SCYL3: variants seen among roughly 807,000 people sequenced by gnomAD.
The protein encoded by SCYL3 is protein-associating with the carboxyl-terminal domain of ezrin.
A neutral mutation model predicts 73.8 loss-of-function variants in SCYL3; 35 were observed. The ratio of observed to expected loss-of-function variants is 0.47; its 90% CI spans 0.36 to 0.63. SCYL3 has a LOEUF of 0.63. Ranked by LOEUF, SCYL3 falls within the 20% of genes least tolerant of loss-of-function variation. The pLI is 0.00. For synonymous variants in SCYL3, 277 were observed against 295.2 expected (o/e 0.94, Z 0.63); for missense variants, 712 against 798.9 (o/e 0.89, Z 1.31).
Position 169,862,646 on chromosome 1 carries a change from AGTGAAGTGCTCC to A in SCYL3, c.1095_1106del (p.Glu366_Thr369del), listed in dbSNP as rs764034042. The A allele has an allele frequency of 3.1e-6, 5 of 1,614,024 alleles. No individual in the cohort carries two copies. The highest frequency in any genetic ancestry group is 4.2e-6 in the Non-Finnish European group (5 of 1,180,038). ...AGATGACTTTCTTCAGCTGCTCCTG[AGTGAAGTGCTCC>A]ACGTAGGCCTCGATGTGAGACAGCA... is the stretch of plus-strand genomic sequence containing the variant. On this transcript the variant is annotated inframe_deletion, in exon 10 of 13. Transcript: ENST00000367771.
At chr1:169,861,676 G>A (rs1019712532) in intron 10 of SCYL3, among the ~76,000 whole-genome samples, 1 of 152,186 alleles carries the variant, frequency 6.6e-6, no homozygotes, top group Non-Finnish European at 1.5e-5. Context: ...CCACTTATGA[G>A]CTCCTTGAAA....
chr1:169,888,225 G>C (rs1291682397), intron 2 of SCYL3, among the ~76,000 whole-genome samples: 1 of 152,216 alleles, frequency 6.6e-6, no homozygotes, highest in Non-Finnish European at 1.5e-5. Flanking sequence ...CAGACAGCAT[G>C]CTAATGCACT....
At chr1:169,892,438 A>G (rs962047950) in intron 1 of SCYL3, among the ~76,000 whole-genome samples, 1 of 152,210 alleles carries the variant, frequency 6.6e-6, no homozygotes, top group South Asian at 2.1e-4. Flanking sequence ...TTTAAAAATG[A>G]TAATTCAGCT....
In SCYL3 at chr1:169,892,701, T is replaced by G. The variant is rs1662168163; in HGVS notation, c.-51+1087A>C. ...TCAGTCTTCCCTTTAATAATCTCCC[T>G]CCACTCTTTTGCCTACTTGGGCAGC... On this transcript the variant is annotated intron_variant, in intron 1 of 12. Transcript: ENST00000367771. Among the ~76,000 whole-genome samples the G allele has an allele frequency of 2.0e-5, 3 of 152,198 alleles. No individual in the cohort carries two copies. The South Asian group carries it at 6.2e-4, about 31-fold the overall frequency.
chr1:169,859,117 A>G lies in SCYL3; in HGVS notation c.1236T>C (p.Val412=), dbSNP rs890471927. ...AGATCTTGGTTCGTTCTCCTCCCAC[A>G]ACCACCTCTGGTCCAAGCAGAGAGA... is the stretch of plus-strand genomic sequence containing the variant. The part of the protein sequence containing the change: ...VLVSLLGPEV[V]VGGERTKIFK... Residue 412 remains valine (V), a synonymous_variant, in exon 11 of 13, where the codon GTT becomes GTC. Transcript: ENST00000367771. The G allele has an allele frequency of 1.9e-6, 3 of 1,613,958 alleles. No homozygotes were observed. In the African/African-American group the frequency reaches 4.0e-5, roughly 22 times the overall value.
intron 1 of SCYL3, among the ~76,000 whole-genome samples, chr1:169,891,542 G>C (rs1662087033): frequency 6.6e-6 from 1 of 152,232 alleles, no homozygotes; most frequent in Non-Finnish European, 1.5e-5. Flanking sequence ...GTGTTACTTT[G>C]AAAGTATCTG....
chr1:169,859,390 C>G (rs542122486), intron 10 of SCYL3, among the ~76,000 whole-genome samples, 178 bp from the exon 11 acceptor site: 1 of 152,196 alleles, frequency 6.6e-6, no homozygotes, highest in African/African-American at 2.4e-5. Flanking sequence ...ATCTTCCCCT[C>G]CCAATCCATC....
chr1:169,883,255 G>C (rs942869823), intron 2 of SCYL3, among the ~76,000 whole-genome samples: 1 of 152,142 alleles, frequency 6.6e-6, no homozygotes, highest in African/African-American at 2.4e-5. Flanking sequence ...CAATACTGCT[G>C]CTGATCTGAC....
At chr1:169,855,954 G>A in intron 11 of SCYL3, 1 of 1,608,120 alleles carries the variant, frequency 6.2e-7, no homozygotes, top group Non-Finnish European at 8.5e-7. Flanking sequence ...ACACATAGGA[G>A]AATCTGAAGG....
At chr1:169,876,780 C>T (rs760088801) in intron 3 of SCYL3, among the ~76,000 whole-genome samples, 9 of 151,666 alleles carry the variant, frequency 5.9e-5, no homozygotes, top group African/African-American at 9.7e-5. Flanking sequence ...ACGGTGAAAC[C>T]GCGTCTCTAC....
At position 169,854,365 on chromosome 1, in the gene SCYL3, A is replaced by G. The variant is rs1196303950; in HGVS notation, c.1912T>C (p.Leu638=). ...ACCATTTCTGTCCTCAGTTCAGGTA[A>G]TATAAGAAAAGCAGCAGAAGGCTTA... ...EIKPSAAFLI[L]PELRTEMVPK... Residue 638 remains leucine (L), a synonymous_variant, in exon 12 of 13, where the codon TTA becomes CTA. Coordinates refer to ENST00000367771, the MANE Select transcript of SCYL3 (RefSeq NM_020423.7). 1 of 1,614,048 alleles carries G rather than the reference A, an allele frequency of 6.2e-7. No homozygotes were observed.
At chr1:169,873,848 AG>A in intron 4 of SCYL3, 96 bp from the exon 5 acceptor site, 1 of 785,842 alleles carries the variant, frequency 1.3e-6, no homozygotes, top group Non-Finnish European at 2.1e-6. Flanking sequence ...CAATGCAAAC[AG>A]CACCAATTAA....
intron 12 of SCYL3, chr1:169,854,068 C>A: frequency 1.7e-6 from 1 of 577,280 alleles, no homozygotes; most frequent in Admixed American, 3.5e-5. Flanking sequence ...GTTACAATAG[C>A]TCATTAAACA....
At chr1:169,860,059 A>AT (rs11403314) in intron 10 of SCYL3, 18,724 of 151,830 alleles carry the variant, frequency 0.12, 1,349 homozygotes, top group Admixed American at 0.19. Flanking sequence ...CTCTAAAATA[A>AT]TTTTTTTTTA....
At position 169,852,417 on chromosome 1, in the gene SCYL3, T is replaced by C; in HGVS notation, c.*1296A>G. 1 of 268,412 alleles carries C rather than the reference T, an allele frequency of 3.7e-6. No individual in the cohort carries two copies. Among genetic ancestry groups the C allele is most frequent in the Non-Finnish European group, 7.1e-6 (1 of 140,822 alleles). The allele number at this position is 268,412 out of a possible 1,614,324, so 16.6% of individuals were successfully genotyped here. On this transcript the variant is annotated 3_prime_UTR_variant, in exon 13 of 13. Transcript: ENST00000367771. ...AGTATAGTAATTAGTATAGTAGTAA[T>C]TCATGAAGAACAACATTCTGATAAG...
At chr1:169,868,874 A>G in intron 7 of SCYL3, 54 bp downstream of exon 7, 1 of 1,295,786 alleles carries the variant, frequency 7.7e-7, no homozygotes, top group Non-Finnish European at 1.1e-6. Context: ...AAGGCACAAG[A>G]GCAGGCAGCA....
chr1:169,871,785 T>C (rs1275874276), intron 5 of SCYL3, among the ~76,000 whole-genome samples: 1 of 152,206 alleles, frequency 6.6e-6, no homozygotes, highest in African/African-American at 2.4e-5. Context: ...AAGGTGACTC[T>C]TGTTATGTTT....
chr1:169,888,934 T>C, intron 1 of SCYL3, 44 bp from the exon 2 acceptor site: 1 of 1,143,384 alleles, frequency 8.7e-7, no homozygotes. Flanking sequence ...AATCCCTATC[T>C]GCAACATCAA....
At chr1:169,869,242 C>T (rs970775835) in intron 6 of SCYL3, 32 of 553,714 alleles carry the variant, frequency 5.8e-5, no homozygotes, top group Non-Finnish European at 1.0e-4. Context: ...CATCAAACCC[C>T]ACCCCAGGTG....
Sources: gnomAD v4.1 joint callset for allele counts (sites outside exome capture counted in the v4.1 genomes callset) on GRCh38, gnomAD v4.1.1 for gene constraint, MANE v1.5 for transcripts, NCBI Gene and HGNC (gene_info 2026-07-23, HGNC 2026-07-21) for gene names.